The following IGBP1C variants were observed in gnomAD, a reference collection of about 807,000 sequenced individuals.
IGBP1C encodes immunoglobulin-binding protein 1 family member C.
chr17:58,679,162 A>AG, the IGBP1C span, among the ~76,000 whole-genome samples: 1 of 152,148 alleles, frequency 6.6e-6, no homozygotes, highest in Non-Finnish European at 1.5e-5. Flanking sequence ...CTCCAAGAAA[A>AG]GAAAAAAAAC....
chr17:58,691,616 G>A, the IGBP1C span, among the ~76,000 whole-genome samples: 1 of 139,682 alleles, frequency 7.2e-6, no homozygotes, highest in South Asian at 2.3e-4. Context: ...GCAGTGAGCC[G>A]ACATCGTGCC....
chr17:58,683,052 C>CAAAAAAAAAAAAAAAAAAAAAAAAA, the IGBP1C span, among the ~76,000 whole-genome samples: 1 of 54,044 alleles, frequency 1.9e-5, no homozygotes, highest in African/African-American at 6.8e-5. Context: ...GAGTCTGTCT[C>CAAAAAAAAAAAAAAAAAAAAAAAAA]AAAAAAAAAA....
At chr17:58,684,711 TA>T in the IGBP1C span, among the ~76,000 whole-genome samples, 1 of 151,878 alleles carries the variant, frequency 6.6e-6, no homozygotes, top group Non-Finnish European at 1.5e-5. Flanking sequence ...ACTTATTTTT[TA>T]AAAACTCATA....
chr17:58,683,822 T>G, the IGBP1C span, among the ~76,000 whole-genome samples: 1 of 150,314 alleles, frequency 6.7e-6, no homozygotes, highest in African/African-American at 2.5e-5. Flanking sequence ...ATCCCAGCAC[T>G]TTGGGAGGCT....
the IGBP1C span, chr17:58,679,509 T>C: frequency 1.3e-5 from 2 of 152,134 alleles, no homozygotes; most frequent in Non-Finnish European, 2.9e-5. Flanking sequence ...CGTACGCCTT[T>C]TATAAACAAG....
At chr17:58,663,422 CA>C in the IGBP1C span, among the ~76,000 whole-genome samples, 244 of 57,828 alleles carry the variant, frequency 4.2e-3, no homozygotes, top group Middle Eastern at 0.034. Flanking sequence ...AACTCCGTCT[CA>C]AAAAAAAAAA....
the IGBP1C span, among the ~76,000 whole-genome samples, chr17:58,664,290 T>A: frequency 6.6e-6 from 1 of 152,218 alleles, no homozygotes; most frequent in Non-Finnish European, 1.5e-5. Flanking sequence ...CTCTGAGGCC[T>A]CTATGATTAT....
chr17:58,673,432 G>A, the IGBP1C span, among the ~76,000 whole-genome samples: 3 of 150,288 alleles, frequency 2.0e-5, no homozygotes, highest in Non-Finnish European at 3.0e-5. Context: ...GCAGTGAGCC[G>A]AGATCACGCC....
chr17:58,668,719 A>C, the IGBP1C span, among the ~76,000 whole-genome samples: 1 of 152,198 alleles, frequency 6.6e-6, no homozygotes, highest in East Asian at 1.9e-4. Context: ...CACACAGACA[A>C]GGGTGACATC....
the IGBP1C span, chr17:58,666,543 C>T: frequency 3.4e-5 from 5 of 146,530 alleles, no homozygotes; most frequent in South Asian, 8.7e-4. Flanking sequence ...CAACCAGCAG[C>T]AAGTGCGAAC....
chr17:58,672,083 G>C, the IGBP1C span, among the ~76,000 whole-genome samples: 1 of 152,140 alleles, frequency 6.6e-6, no homozygotes, highest in African/African-American at 2.4e-5. Context: ...CATTAGTTAG[G>C]TTCTCATAAG....
chr17:58,685,822 T>A, the IGBP1C span, among the ~76,000 whole-genome samples: 1 of 150,680 alleles, frequency 6.6e-6, no homozygotes, highest in Non-Finnish European at 1.5e-5. Context: ...TGAAACACCA[T>A]CTCTACTAAA....
the IGBP1C span, among the ~76,000 whole-genome samples, chr17:58,690,180 T>G: frequency 1.3e-5 from 2 of 151,674 alleles, no homozygotes; most frequent in African/African-American, 4.8e-5. Flanking sequence ...CTTTGTTTTG[T>G]TTTTGAGATG....
the IGBP1C span, among the ~76,000 whole-genome samples, chr17:58,674,001 C>T: frequency 3.3e-5 from 5 of 152,104 alleles, no homozygotes; most frequent in African/African-American, 7.2e-5. Flanking sequence ...GGGCCGGGTG[C>T]GGTGTCTCCC....
chr17:58,686,482 G>C, the IGBP1C span, among the ~76,000 whole-genome samples: 6 of 152,168 alleles, frequency 3.9e-5, no homozygotes, highest in Non-Finnish European at 8.8e-5. Context: ...TAGGCAATTA[G>C]ATATTTGCAT....
At chr17:58,661,455 C>A in the IGBP1C span, 1 of 787,724 alleles carries the variant, frequency 1.3e-6, no homozygotes, top group East Asian at 2.4e-5. Context: ...TCAAGGAGGT[C>A]GAGGCCCTTG....
chr17:58,680,537 T>C, the IGBP1C span, among the ~76,000 whole-genome samples: 1 of 152,146 alleles, frequency 6.6e-6, no homozygotes, highest in Non-Finnish European at 1.5e-5. Context: ...AGGTCAGGAA[T>C]TCGAGACCAG....
the IGBP1C span, among the ~76,000 whole-genome samples, chr17:58,684,507 C>T: frequency 6.6e-6 from 1 of 151,110 alleles, no homozygotes. Context: ...CATGGTGACA[C>T]GTGCCTGTTC....
chr17:58,674,058 G>C, the IGBP1C span, among the ~76,000 whole-genome samples: 1 of 152,160 alleles, frequency 6.6e-6, no homozygotes, highest in Admixed American at 6.6e-5. Context: ...CAGATTGCCT[G>C]AGATCAGGAG....
Sources: gnomAD v4.1 joint callset for allele counts (sites outside exome capture counted in the v4.1 genomes callset) on GRCh38, gnomAD v4.1.1 for gene constraint, MANE v1.5 for transcripts, NCBI Gene and HGNC (gene_info 2026-07-23, HGNC 2026-07-21) for gene names.